IL26: variants seen among roughly 807,000 people sequenced by gnomAD.
IL26 encodes interleukin-26.
In IL26, 23 loss-of-function variants were observed where a neutral mutation model predicts 21.7. That is an observed-to-expected ratio of 1.06 (90% CI 0.76 to 1.50). The LOEUF (loss-of-function observed/expected upper bound fraction) is 1.50, where lower values mean the gene tolerates loss of function less well. Ranked by LOEUF, IL26 falls within the 40% of genes most tolerant of loss-of-function variation. The pLI, the probability that IL26 is intolerant of heterozygous loss-of-function variation, is 0.00. For missense variants in IL26, 204 were observed against 196.0 expected (o/e 1.04, Z -0.24); for synonymous variants, 63 against 67.8 (o/e 0.93, Z 0.34).
intron 3 of IL26, among the ~76,000 whole-genome samples, chr12:68,208,928 A>G (rs1868624298): frequency 6.6e-6 from 1 of 152,244 alleles, no homozygotes; most frequent in Non-Finnish European, 1.5e-5. Context: ...ATCAACAAAT[A>G]AAATGCAGGC....
intron 3 of IL26, among the ~76,000 whole-genome samples, chr12:68,217,730 T>C (rs1338672598): frequency 6.6e-6 from 1 of 152,144 alleles, no homozygotes; most frequent in Admixed American, 6.5e-5. Context: ...ATGCTACCTA[T>C]AAAGTGTTCT....
chr12:68,223,067 CATT>C (rs1188822377), intron 3 of IL26, among the ~76,000 whole-genome samples: 1 of 152,064 alleles, frequency 6.6e-6, no homozygotes, highest in East Asian at 1.9e-4. Context: ...TTGGCTGAAA[CATT>C]ATAGACACCA....
Position 68,223,208 on chromosome 12 carries a change from C to T in IL26, c.363+1941G>A, listed in dbSNP as rs143925892. On this transcript the variant is annotated intron_variant, in intron 3 of 4. Coordinates refer to ENST00000229134, the MANE Select transcript of IL26 (RefSeq NM_018402.2). ...ATAAACTGCACAGCTTGTAAGACAA[C>T]TGATGCTCACACTGATAGGCTTGAG... is the stretch of plus-strand genomic sequence containing the variant. Among the ~76,000 whole-genome samples, 159 of 152,288 alleles carry T rather than the reference C, an allele frequency of 1.0e-3. 1 individual carries two copies. Among genetic ancestry groups the T allele is most frequent in the African/African-American group, 3.6e-3 (148 of 41,558 alleles).
At chr12:68,216,529 G>A (rs995833099) in intron 3 of IL26, among the ~76,000 whole-genome samples, 3 of 152,142 alleles carry the variant, frequency 2.0e-5, no homozygotes, top group African/African-American at 7.2e-5. Flanking sequence ...TTAAGATGAG[G>A]CTACTGTTAT....
At chr12:68,215,168 C>A (rs11571021) in intron 3 of IL26, among the ~76,000 whole-genome samples, 2 of 152,148 alleles carry the variant, frequency 1.3e-5, no homozygotes, top group African/African-American at 4.8e-5. Flanking sequence ...CTCCATCCCC[C>A]AACACACACA....
chr12:68,208,030 T>C (rs1284870188), intron 3 of IL26, among the ~76,000 whole-genome samples: 2 of 152,210 alleles, frequency 1.3e-5, no homozygotes, highest in East Asian at 1.9e-4. Context: ...AGTTGACCTA[T>C]GCAGTTCAAA....
At chr12:68,224,051 T>C (rs1255450021) in intron 3 of IL26, among the ~76,000 whole-genome samples, 27 of 137,804 alleles carry the variant, frequency 2.0e-4, no homozygotes, top group African/African-American at 8.3e-4. Context: ...CCCCCCCCTC[T>C]AATGGCCCAG....
chr12:68,220,873 G>A (rs1225335288), intron 3 of IL26, among the ~76,000 whole-genome samples: 2 of 152,238 alleles, frequency 1.3e-5, no homozygotes, highest in African/African-American at 2.4e-5. Context: ...CTGACCTCAG[G>A]TGATCCACCC....
chr12:68,203,513 C>CT (rs1363884517), intron 3 of IL26, among the ~76,000 whole-genome samples: 1 of 152,156 alleles, frequency 6.6e-6, no homozygotes, highest in Non-Finnish European at 1.5e-5. Context: ...GTGTCACTAT[C>CT]TAACAGTTAA....
At chr12:68,215,635 C>A (rs368810476) in intron 3 of IL26, among the ~76,000 whole-genome samples, 2 of 151,856 alleles carry the variant, frequency 1.3e-5, no homozygotes. Flanking sequence ...TAGAAAATAC[C>A]TTTACCAAAG....
At chr12:68,203,651 G>A (rs1868449875) in intron 3 of IL26, among the ~76,000 whole-genome samples, 1 of 152,152 alleles carries the variant, frequency 6.6e-6, no homozygotes, top group Non-Finnish European at 1.5e-5. Context: ...AAATGAAAGT[G>A]GCTAAATGAT....
rs1869228828 is a variant in IL26 at position 68,225,745 on chromosome 12, A to G, written c.12T>C (p.Asn4=). The change falls in exon 1 of 5, where the codon AAT becomes AAC. Residue 4 remains asparagine (N), a synonymous_variant. Transcript: ENST00000229134. Reference sequence around the variant, plus strand: ...ACAGCAACCCACACCTCAAAATGAAATTCACCAGCATTTCCCTTCACCCCA... The same window carrying G: ...ACAGCAACCCACACCTCAAAATGAAGTTCACCAGCATTTCCCTTCACCCCA... The part of the protein sequence containing the change: MLV[N]FILRCGLLLV... 1 of 1,613,742 alleles carries G rather than the reference A, an allele frequency of 6.2e-7. No homozygotes were observed. Among genetic ancestry groups the G allele is most frequent in the African/African-American group, 1.3e-5 (1 of 74,882 alleles).
rs1013722516 is a variant in IL26, at chr12:68,201,457, A to G, written c.*388T>C. Reference sequence around the variant, plus strand: ...CACTTAAACAGACAATCATATACATAACATCTATTTAAGTCTCAGTAACAT... The same window carrying G: ...CACTTAAACAGACAATCATATACATGACATCTATTTAAGTCTCAGTAACAT... On this transcript the variant is annotated 3_prime_UTR_variant, in exon 5 of 5. Coordinates refer to ENST00000229134, the MANE Select transcript of IL26 (RefSeq NM_018402.2). The G allele has an allele frequency of 4.2e-5, 7 of 165,918 alleles. No homozygotes were observed. The highest frequency in any genetic ancestry group is 9.1e-5 in the Non-Finnish European group (7 of 76,706). The allele number at this position is 165,918 out of a possible 1,614,324, so 10.3% of individuals were successfully genotyped here. A position where few individuals can be genotyped will look rare whatever the true frequency, so the allele number is the denominator to read the frequency against.
intron 3 of IL26, among the ~76,000 whole-genome samples, chr12:68,211,944 A>C (rs1868745277): frequency 6.6e-6 from 1 of 152,040 alleles, no homozygotes; most frequent in African/African-American, 2.4e-5. Flanking sequence ...ACTCAAAAAA[A>C]AATCTCTGCC....
chr12:68,224,038 C>T (rs1869147084), intron 3 of IL26, among the ~76,000 whole-genome samples: 1 of 85,126 alleles, frequency 1.2e-5, no homozygotes, highest in East Asian at 3.3e-4. Context: ...AAAAAATAAA[C>T]ACCCCCCCCC....
chr12:68,209,641 C>T (rs568053388), intron 3 of IL26, among the ~76,000 whole-genome samples: 1 of 152,172 alleles, frequency 6.6e-6, no homozygotes, highest in East Asian at 1.9e-4. Flanking sequence ...TTCCAAAAGC[C>T]GTGAGGGGTT....
chr12:68,224,582 G>C (rs566703971), intron 3 of IL26, among the ~76,000 whole-genome samples: 2 of 146,774 alleles, frequency 1.4e-5, no homozygotes, highest in South Asian at 4.4e-4. Flanking sequence ...TATTGTTATG[G>C]GAAAGAAGGA....
At chr12:68,214,505 T>C (rs12831217) in intron 3 of IL26, among the ~76,000 whole-genome samples, 43 of 152,218 alleles carry the variant, frequency 2.8e-4, no homozygotes, top group Non-Finnish European at 3.4e-4. Flanking sequence ...CTTTATATAC[T>C]TGGGTGCTCT....
chr12:68,222,327 CAGA>C (rs1425841213), intron 3 of IL26, among the ~76,000 whole-genome samples: 1 of 152,150 alleles, frequency 6.6e-6, no homozygotes, highest in Admixed American at 6.5e-5. Flanking sequence ...AGGAAACTTT[CAGA>C]AGAACACAAA....
Sources: gnomAD v4.1 joint callset for allele counts (sites outside exome capture counted in the v4.1 genomes callset) on GRCh38, gnomAD v4.1.1 for gene constraint, MANE v1.5 for transcripts, NCBI Gene and HGNC (gene_info 2026-07-23, HGNC 2026-07-21) for gene names.